GNAQ: variants seen among roughly 807,000 people sequenced by gnomAD.
The protein encoded by GNAQ is G protein subunit alpha q.
Under a neutral mutation model 43.9 loss-of-function variants are expected in GNAQ, and 8 were observed. That is an observed-to-expected ratio of 0.18 (90% CI 0.11 to 0.33). The LOEUF (loss-of-function observed/expected upper bound fraction) is 0.33, where lower values mean the gene tolerates loss of function less well. Among genes scored for constraint, GNAQ ranks in the 10% least tolerant of loss-of-function variants. The probability of loss-of-function intolerance (pLI) is 1.00; values close to 1 mark genes in which losing one functional copy is unlikely to be tolerated. For missense variants in GNAQ, 158 were observed against 450.8 expected (o/e 0.35, Z 5.88); for synonymous variants, 155 against 170.7 (o/e 0.91, Z 0.71).
At chr9:77,888,600 G>T (rs1451719557) in intron 2 of GNAQ, among the ~76,000 whole-genome samples, 2 of 152,112 alleles carry the variant, frequency 1.3e-5, no homozygotes, top group African/African-American at 4.8e-5. Flanking sequence ...CTTATTTTGA[G>T]TTATCCTAAG....
At position 77,862,269 on chromosome 9, in the gene GNAQ, G is replaced by A. The variant is rs12342695; in HGVS notation, c.322-46499C>T. ...ATGCCCCAGGAGGGACTCTGTGTGGGGGCTCTGACCTCACATTTCCCTTCC... is the reference window on the plus strand; with the variant it reads ...ATGCCCCAGGAGGGACTCTGTGTGGAGGCTCTGACCTCACATTTCCCTTCC... On this transcript the variant is annotated intron_variant, in intron 2 of 6. Transcript: ENST00000286548. 6.1e-3 allele frequency among the ~76,000 whole-genome samples: 921 copies of A among 152,100 alleles called. 9 individuals are homozygous for A. The highest frequency in any genetic ancestry group is 0.02 in the African/African-American group (838 of 41,502).
intron 2 of GNAQ, among the ~76,000 whole-genome samples, chr9:77,882,127 G>C (rs969517910): frequency 1.3e-5 from 2 of 151,672 alleles, no homozygotes; most frequent in Non-Finnish European, 2.9e-5. Flanking sequence ...GACAGAGCAA[G>C]ACTCCCTTCC....
chr9:77,963,084 C>T lies in GNAQ; in HGVS notation c.137-40739G>A, dbSNP rs1458716741. On this transcript the variant is annotated intron_variant, in intron 1 of 6. Transcript: ENST00000286548. ...CACTATCAGAACAACACGAATTCTG[C>T]TAAAATTGAAGTAAGAACAAATGCC... Among the ~76,000 whole-genome samples, 3 of 151,918 alleles carry T rather than the reference C, an allele frequency of 2.0e-5. No individual in the cohort carries two copies. In the South Asian group the frequency reaches 6.2e-4, roughly 32 times the overall value.
At chr9:77,864,493 T>C (rs1416491069) in intron 2 of GNAQ, among the ~76,000 whole-genome samples, 1 of 152,106 alleles carries the variant, frequency 6.6e-6, no homozygotes, top group African/African-American at 2.4e-5. Context: ...ATCACAAGTG[T>C]CCTTAAAGTT....
At position 77,799,673 on chromosome 9, in the gene GNAQ, T is replaced by C. The variant is rs529269885; in HGVS notation, c.477-2025A>G. Among the ~76,000 whole-genome samples, 23 of 152,362 alleles carry C rather than the reference T, an allele frequency of 1.5e-4. No homozygotes were observed. The South Asian group carries it at 3.3e-3, about 22-fold the overall frequency. ...ATTAAATCTGAGTTTAACAAAGAGT[T>C]AAGTCTGACTTTAACAAAGAAATAA... On this transcript the variant is annotated intron_variant, in intron 3 of 6. Coordinates refer to ENST00000286548, the MANE Select transcript of GNAQ (RefSeq NM_002072.5).
chr9:77,989,218 C>T (rs1000199446), intron 1 of GNAQ, among the ~76,000 whole-genome samples: 4 of 152,088 alleles, frequency 2.6e-5, no homozygotes, highest in African/African-American at 4.8e-5. Context: ...CATTCTCATC[C>T]GTCATTTTCT....
At chr9:77,868,632 C>T (rs571707964) in intron 2 of GNAQ, among the ~76,000 whole-genome samples, 58 of 152,120 alleles carry the variant, frequency 3.8e-4, no homozygotes, top group African/African-American at 1.3e-3. Context: ...CCCGTCTCTA[C>T]TAAAAATACA....
At chr9:77,979,123 A>G (rs1401391691) in intron 1 of GNAQ, among the ~76,000 whole-genome samples, 1 of 151,958 alleles carries the variant, frequency 6.6e-6, no homozygotes, top group Non-Finnish European at 1.5e-5. Context: ...TGGGAGGCCG[A>G]GGTGGGCAGA....
intron 5 of GNAQ, among the ~76,000 whole-genome samples, chr9:77,783,824 T>C (rs1057141390): frequency 1.3e-5 from 2 of 152,152 alleles, no homozygotes; most frequent in African/African-American, 2.4e-5. Flanking sequence ...TCCCAGCTAC[T>C]TGGAGGCTGA....
chr9:77,790,584 T>C (rs1473613534), intron 5 of GNAQ, among the ~76,000 whole-genome samples: 2 of 152,180 alleles, frequency 1.3e-5, no homozygotes, highest in Non-Finnish European at 2.9e-5. Flanking sequence ...TACTACCAAT[T>C]GGTGTAAGAA....
intron 1 of GNAQ, among the ~76,000 whole-genome samples, chr9:77,934,693 G>A (rs147856027): frequency 6.6e-5 from 10 of 152,230 alleles, no homozygotes; most frequent in Middle Eastern, 3.4e-3. Flanking sequence ...TGCCTAATAC[G>A]CATACAACCA....
chr9:77,834,929 G>A (rs1827359250), intron 2 of GNAQ, among the ~76,000 whole-genome samples: 1 of 152,102 alleles, frequency 6.6e-6, no homozygotes, highest in African/African-American at 2.4e-5. Context: ...TCACCATACT[G>A]GTTGAGTTTT....
intron 5 of GNAQ, among the ~76,000 whole-genome samples, chr9:77,739,623 G>A (rs1825623341): frequency 6.6e-6 from 1 of 152,232 alleles, no homozygotes; most frequent in Non-Finnish European, 1.5e-5. Context: ...CCCAATGGGT[G>A]TTTTCCTTAA....
At chr9:77,790,436 G>C (rs1449480593) in intron 5 of GNAQ, among the ~76,000 whole-genome samples, 1 of 152,114 alleles carries the variant, frequency 6.6e-6, no homozygotes, top group African/African-American at 2.4e-5. Flanking sequence ...CTTCAAAATG[G>C]CTTCATTTTA....
chr9:77,719,065 G>A lies in GNAQ; in HGVS notation c.*2258C>T. On this transcript the variant is annotated 3_prime_UTR_variant, in exon 7 of 7. Transcript: ENST00000286548. ...TCAGTATACCTCTACTCAGGAATGT[G>A]CAAATGATTTTATACAGCACGACGC... 4.3e-6 allele frequency: 1 copy of A among 230,256 alleles called. No homozygotes were observed. Among genetic ancestry groups the A allele is most frequent in the Non-Finnish European group, 8.5e-6 (1 of 117,046 alleles). The allele number at this position is 230,256 out of a possible 1,614,324, so 14.3% of individuals were successfully genotyped here. A position where few individuals can be genotyped will look rare whatever the true frequency, so the allele number is the denominator to read the frequency against.
intron 5 of GNAQ, among the ~76,000 whole-genome samples, chr9:77,776,863 C>CTTT (rs746503945): frequency 7.4e-6 from 1 of 134,778 alleles, no homozygotes; most frequent in Non-Finnish European, 1.6e-5. Context: ...TCCCAGGTGC[C>CTTT]TTTTTTTTTT....
chr9:77,751,751 G>C (rs936990238), intron 5 of GNAQ, among the ~76,000 whole-genome samples: 3 of 151,934 alleles, frequency 2.0e-5, no homozygotes, highest in African/African-American at 7.3e-5. Flanking sequence ...CTGTTGCTAG[G>C]ACAACTAGGA....
chr9:77,968,749 G>A (rs985612719), intron 1 of GNAQ, among the ~76,000 whole-genome samples: 14 of 152,206 alleles, frequency 9.2e-5, no homozygotes, highest in African/African-American at 2.4e-4. Context: ...AGACAGTGCC[G>A]TTTGCCAAAA....
intron 1 of GNAQ, among the ~76,000 whole-genome samples, chr9:77,923,493 G>T (rs1012650650): frequency 5.4e-4 from 82 of 152,202 alleles, no homozygotes; most frequent in Non-Finnish European, 1.3e-4. Context: ...CAAAATGACA[G>T]CATATTTCTC....
Sources: gnomAD v4.1 joint callset for allele counts (sites outside exome capture counted in the v4.1 genomes callset) on GRCh38, gnomAD v4.1.1 for gene constraint, MANE v1.5 for transcripts, NCBI Gene and HGNC (gene_info 2026-07-23, HGNC 2026-07-21) for gene names.